HDAC9: variants seen among roughly 807,000 people sequenced by gnomAD.
HDAC9 encodes MEF-2 interacting transcription repressor (MITR) protein.
In HDAC9, 41 loss-of-function variants were observed where a neutral mutation model predicts 139.4. That is an observed-to-expected ratio of 0.29 (90% CI 0.23 to 0.38). HDAC9 has a LOEUF of 0.38. HDAC9 is among the 10% of genes least tolerant of loss of function. The pLI is 1.00. For synonymous variants in HDAC9, 517 were observed against 476.2 expected (o/e 1.09, Z -1.12); for missense variants, 1,147 against 1,297.0 (o/e 0.88, Z 1.78).
chr7:18,547,345 C>T (rs1026796624), intron 2 of HDAC9, among the ~76,000 whole-genome samples: 1 of 152,186 alleles, frequency 6.6e-6, no homozygotes, highest in African/African-American at 2.4e-5. Flanking sequence ...AGGCCATTCT[C>T]CTGCCTCAGC....
At chr7:18,283,357 A>G (rs894069629) in intron 2 of HDAC9, among the ~76,000 whole-genome samples, 1 of 151,944 alleles carries the variant, frequency 6.6e-6, no homozygotes, top group Admixed American at 6.6e-5. Context: ...TAATCCAATC[A>G]CCTCTCACCA....
At chr7:18,310,099 G>A (rs946640058) in intron 1 of HDAC9, among the ~76,000 whole-genome samples, 6 of 140,670 alleles carry the variant, frequency 4.3e-5, no homozygotes. Flanking sequence ...TAAGTGCCCA[G>A]ATAGTGTAGA....
At chr7:18,611,030 T>C (rs942040761) in intron 6 of HDAC9, among the ~76,000 whole-genome samples, 1 of 152,174 alleles carries the variant, frequency 6.6e-6, no homozygotes, top group African/African-American at 2.4e-5. Flanking sequence ...AAATCCTTCG[T>C]TTTTTGAAAC....
intron 1 of HDAC9, among the ~76,000 whole-genome samples, chr7:18,406,388 C>A (rs1054871550): frequency 3.3e-5 from 5 of 150,750 alleles, no homozygotes; most frequent in African/African-American, 9.8e-5. Flanking sequence ...CTTTTTCTTT[C>A]TTTTTTTTTA....
At chr7:18,564,959 TTTTATTTATTTATTTATTTA>T (rs145259249) in intron 2 of HDAC9, among the ~76,000 whole-genome samples, 96 of 141,272 alleles carry the variant, frequency 6.8e-4, no homozygotes, top group African/African-American at 1.7e-3. Context: ...AATAAATGTA[TTTTATTTATTTATTTATTTA>T]TTTATTTATT....
chr7:18,225,872 A>C (rs928573354), intron 2 of HDAC9, among the ~76,000 whole-genome samples: 9 of 152,178 alleles, frequency 5.9e-5, no homozygotes, highest in Non-Finnish European at 1.0e-4. Flanking sequence ...ATAAAATAGT[A>C]ATCTTATAAA....
chr7:18,780,397 C>G (rs949078560), intron 16 of HDAC9, among the ~76,000 whole-genome samples: 1 of 152,034 alleles, frequency 6.6e-6, no homozygotes, highest in South Asian at 2.1e-4. Flanking sequence ...AAGTCTTACA[C>G]AGTCTGTCTC....
intron 12 of HDAC9, among the ~76,000 whole-genome samples, chr7:18,688,706 A>G (rs940726825): frequency 6.6e-6 from 1 of 151,920 alleles, no homozygotes; most frequent in Non-Finnish European, 1.5e-5. Context: ...TACTGTTTCC[A>G]CCGAAAAACT....
intron 1 of HDAC9, among the ~76,000 whole-genome samples, chr7:18,122,144 G>T (rs1784400615): frequency 6.6e-6 from 1 of 152,156 alleles, no homozygotes; most frequent in African/African-American, 2.4e-5. Context: ...TTTATTTAAG[G>T]TTGGGAGAGC....
At chr7:18,233,540 C>G (rs1365128529) in intron 2 of HDAC9, among the ~76,000 whole-genome samples, 1 of 151,978 alleles carries the variant, frequency 6.6e-6, no homozygotes, top group Non-Finnish European at 1.5e-5. Flanking sequence ...GAAATATAAC[C>G]AAGAACAAAT....
intron 5 of HDAC9, 107 bp from the exon 6 acceptor site, chr7:18,593,801 G>T (rs999835759): frequency 8.6e-7 from 1 of 1,165,202 alleles, no homozygotes; most frequent in Non-Finnish European, 1.3e-6. Flanking sequence ...AGGAGAAAGA[G>T]CATAAACATA....
At chr7:18,676,385 G>T (rs916856428) in intron 12 of HDAC9, among the ~76,000 whole-genome samples, 1 of 149,892 alleles carries the variant, frequency 6.7e-6, no homozygotes, top group Non-Finnish European at 1.5e-5. Flanking sequence ...AATGCTCAAA[G>T]AACTTAGAAT....
chr7:18,491,255 G>T (rs1002725164), upstream of HDAC9, among the ~76,000 whole-genome samples: 1 of 151,768 alleles, frequency 6.6e-6, no homozygotes, highest in Admixed American at 6.6e-5. Flanking sequence ...GGGTTTATTT[G>T]AGAAAAATTA....
chr7:18,603,222 G>A (rs1478902902), intron 6 of HDAC9, among the ~76,000 whole-genome samples: 1 of 151,990 alleles, frequency 6.6e-6, no homozygotes, highest in African/African-American at 2.4e-5. Flanking sequence ...TAGGTAATAT[G>A]TAGTTAGAAC....
At chr7:18,640,872 T>C (rs1172806072) in intron 8 of HDAC9, among the ~76,000 whole-genome samples, 1 of 152,058 alleles carries the variant, frequency 6.6e-6, no homozygotes, top group Non-Finnish European at 1.5e-5. Context: ...CTTCAATATA[T>C]ACCATGGCCC....
intron 1 of HDAC9, among the ~76,000 whole-genome samples, chr7:18,457,884 T>C (rs533084656): frequency 2.6e-5 from 4 of 152,270 alleles, no homozygotes; most frequent in East Asian, 1.9e-4. Context: ...ATCACTTCCA[T>C]TGAAAGAGAG....
At position 18,698,011 on chromosome 7, in the gene HDAC9, A is replaced by G. The variant is rs899136711; in HGVS notation, c.1732-29569A>G. Reference sequence around the variant, plus strand: ...CATGAGTAATGCTAAAATTAGACTCACCAGGAGAAGACGCATGAACAAAAA... The same window carrying G: ...CATGAGTAATGCTAAAATTAGACTCGCCAGGAGAAGACGCATGAACAAAAA... On this transcript the variant is annotated intron_variant, in intron 12 of 25. Coordinates refer to ENST00000686413, the MANE Select transcript of HDAC9 (RefSeq NM_178425.4). Among the ~76,000 whole-genome samples the G allele has an allele frequency of 9.9e-5, 15 of 152,176 alleles. 1 individual carries two copies. Among genetic ancestry groups the G allele is most frequent in the Non-Finnish European group, 1.5e-5 (1 of 68,028 alleles).
intron 1 of HDAC9, among the ~76,000 whole-genome samples, chr7:18,120,648 A>C (rs748359470): frequency 1.1e-4 from 17 of 152,168 alleles, no homozygotes; most frequent in Admixed American, 2.6e-4. Context: ...GATTTTCAAA[A>C]AGTTGAGGTA....
intron 2 of HDAC9, among the ~76,000 whole-genome samples, chr7:18,553,129 C>G (rs546653250): frequency 6.6e-6 from 1 of 152,128 alleles, no homozygotes; most frequent in South Asian, 2.1e-4. Context: ...TGTGCGTAAA[C>G]CATTGTGTAT....
Sources: allele counts gnomAD v4.1 joint callset (sites outside exome capture counted in the v4.1 genomes callset), GRCh38; gene constraint gnomAD v4.1.1; transcripts MANE v1.5; gene names NCBI Gene and HGNC (gene_info 2026-07-23, HGNC 2026-07-21).